SLX9: variants seen among roughly 807,000 people sequenced by gnomAD.
SLX9 encodes ribosome biogenesis protein SLX9 homolog.
Under a neutral mutation model 20.8 loss-of-function variants are expected in SLX9, and 19 were observed. That is an observed-to-expected ratio of 0.91 (90% CI 0.64 to 1.34). The LOEUF (loss-of-function observed/expected upper bound fraction) is 1.34. Among genes scored for constraint, SLX9 ranks in the 40% most tolerant of loss-of-function variants. SLX9 has a pLI of 0.00. For missense variants in SLX9, 299 were observed against 322.2 expected (o/e 0.93, Z 0.55); for synonymous variants, 113 against 137.1 (o/e 0.82, Z 1.23).
intron 2 of SLX9, 141 bp downstream of exon 2, chr21:44,943,978 TG>T (rs2084597782): frequency 1.6e-6 from 2 of 1,222,044 alleles, no homozygotes; most frequent in Non-Finnish European, 2.3e-6. Context: ...GGCTGTTTCT[TG>T]GGGCGATTCC....
chr21:44,940,260 G>A (rs1199698959), intron 1 of SLX9, 74 bp downstream of exon 1: 3 of 1,195,194 alleles, frequency 2.5e-6, no homozygotes, highest in Non-Finnish European at 3.1e-6. Flanking sequence ...CGCCGCCTCC[G>A]GGAGGGTTCC....
chr21:44,942,694 T>G (rs1467394330), intron 1 of SLX9, among the ~76,000 whole-genome samples: 1 of 152,150 alleles, frequency 6.6e-6, no homozygotes, highest in Non-Finnish European at 1.5e-5. Flanking sequence ...TATAAGGAAA[T>G]GAAGACAAGG....
At chr21:44,957,351 C>T (rs1462748583) in intron 2 of SLX9, among the ~76,000 whole-genome samples, 1 of 152,214 alleles carries the variant, frequency 6.6e-6, no homozygotes, top group Non-Finnish European at 1.5e-5. Context: ...ACGGTCAGTC[C>T]CCACACGCTG....
chr21:44,943,048 C>T (rs2084577523), intron 1 of SLX9, among the ~76,000 whole-genome samples: 1 of 152,186 alleles, frequency 6.6e-6, no homozygotes, highest in East Asian at 1.9e-4. Flanking sequence ...CTTCAGAAAC[C>T]TCTGTTGAGG....
intron 4 of SLX9, chr21:44,972,924 C>A: frequency 2.5e-5 from 1 of 40,232 alleles, no homozygotes; most frequent in African/African-American, 2.1e-4. Context: ...CACCAGATTC[C>A]ACACGGAGCA....
chr21:44,944,263 A>G (rs985194313), intron 2 of SLX9, among the ~76,000 whole-genome samples: 4 of 152,200 alleles, frequency 2.6e-5, no homozygotes, highest in Non-Finnish European at 5.9e-5. Flanking sequence ...GAGGGTTTAG[A>G]TCCTGAAGCC....
At chr21:44,943,481 C>T (rs561704788) in intron 1 of SLX9, among the ~76,000 whole-genome samples, 3 of 152,268 alleles carry the variant, frequency 2.0e-5, no homozygotes, top group Admixed American at 6.5e-5. Context: ...TGGGCCTGGG[C>T]GCTGCGGGTC....
chr21:44,960,268 A>G, intron 3 of SLX9, 100 bp downstream of exon 3: 2 of 1,159,110 alleles, frequency 1.7e-6, no homozygotes, highest in Non-Finnish European at 2.6e-6. Flanking sequence ...TACATCAGCC[A>G]CACTCCCCGA....
At chr21:44,952,747 C>T (rs1039065557) in intron 2 of SLX9, among the ~76,000 whole-genome samples, 2 of 152,152 alleles carry the variant, frequency 1.3e-5, no homozygotes, top group Admixed American at 6.5e-5. Context: ...GCCTAGGAGA[C>T]GGCGGGGCAG....
intron 2 of SLX9, among the ~76,000 whole-genome samples, chr21:44,948,341 G>A (rs1448774749): frequency 6.8e-6 from 1 of 146,980 alleles, no homozygotes; most frequent in Non-Finnish European, 1.5e-5. Context: ...GGCGTCCGGG[G>A]AGCTGGTCGT....
chr21:44,959,523 T>G (rs2084916514), intron 2 of SLX9, among the ~76,000 whole-genome samples: 1 of 152,072 alleles, frequency 6.6e-6, no homozygotes, highest in South Asian at 2.1e-4. Flanking sequence ...GTGGCTGGGC[T>G]CCGCGTGGAC....
In SLX9 at chr21:44,969,195, C is replaced by A. The variant is rs1170187142; in HGVS notation, c.500+2014C>A. 1.1e-5 allele frequency: 5 copies of A among 470,252 alleles called. No homozygotes were observed. In the East Asian group the frequency reaches 3.5e-4, roughly 33 times the overall value. 29.1% of individuals were successfully genotyped at this position (470,252 alleles called of 1,614,324 possible). A position where few individuals can be genotyped will look rare whatever the true frequency, so the allele number is the denominator to read the frequency against. The stretch of plus-strand genomic sequence containing the variant: ...AGGCTCGAGGGTGGCAGGTCACGCG[C>A]TGCAGGCCCAGGCAGCTCCAGGCTG... On this transcript the variant is annotated intron_variant, in intron 4 of 5. Coordinates refer to ENST00000291634, the MANE Select transcript of SLX9 (RefSeq NM_058190.4).
chr21:44,966,602 C>T (rs1235598957), intron 3 of SLX9, among the ~76,000 whole-genome samples: 1 of 152,186 alleles, frequency 6.6e-6, no homozygotes, highest in Non-Finnish European at 1.5e-5. Flanking sequence ...GGGGCTTCTC[C>T]CCTTCCCTCT....
At chr21:44,965,150 C>T (rs150601433) in intron 3 of SLX9, among the ~76,000 whole-genome samples, 1 of 152,328 alleles carries the variant, frequency 6.6e-6, no homozygotes, top group East Asian at 1.9e-4. Flanking sequence ...TTAGAATTAG[C>T]TGCACAGGTT....
chr21:44,965,699 G>A (rs1476813571), intron 3 of SLX9, among the ~76,000 whole-genome samples: 3 of 152,154 alleles, frequency 2.0e-5, no homozygotes, highest in Admixed American at 1.3e-4. Context: ...CCCTGCTTGG[G>A]CACAAGGTAT....
intron 4 of SLX9, 189 bp from the exon 5 acceptor site, chr21:44,973,008 A>C (rs2085183748): frequency 4.3e-6 from 3 of 699,068 alleles, no homozygotes; most frequent in South Asian, 1.8e-5. Context: ...ACGGTCAGGC[A>C]GTTGCACTGC....
intron 2 of SLX9, among the ~76,000 whole-genome samples, chr21:44,951,433 A>G (rs548393596): frequency 6.6e-6 from 1 of 152,120 alleles, no homozygotes; most frequent in Admixed American, 6.5e-5. Flanking sequence ...CAGCTCTACC[A>G]TCTGGATCCA....
intron 2 of SLX9, among the ~76,000 whole-genome samples, chr21:44,953,613 T>C (rs1809271092): frequency 6.6e-6 from 1 of 152,190 alleles, no homozygotes; most frequent in African/African-American, 2.4e-5. Context: ...CTGAAGCAGT[T>C]CTCTGGGGCT....
intron 4 of SLX9, among the ~76,000 whole-genome samples, chr21:44,970,745 G>A (rs2085128117): frequency 6.6e-6 from 1 of 152,198 alleles, no homozygotes. Context: ...CTCCCTCCCA[G>A]CCTGGAGCTC....
Sources: gnomAD v4.1 joint callset for allele counts (sites outside exome capture counted in the v4.1 genomes callset) on GRCh38, gnomAD v4.1.1 for gene constraint, MANE v1.5 for transcripts, NCBI Gene and HGNC (gene_info 2026-07-23, HGNC 2026-07-21) for gene names.